The following SUGCT variants were observed in gnomAD, a reference collection of about 807,000 sequenced individuals.
The protein encoded by SUGCT is succinyl-CoA:glutarate-CoA transferase, also known as succinyl-CoA:glutarate CoA-transferase.
SUGCT carries 41 observed loss-of-function variants against 55.0 expected under a neutral mutation model. That is an observed-to-expected ratio of 0.74 (90% CI 0.58 to 0.97). SUGCT has a LOEUF of 0.97. Ranked by LOEUF, SUGCT falls within the 50% of genes least tolerant of loss-of-function variation. SUGCT has a pLI of 0.00. For synonymous variants in SUGCT, 187 were observed against 200.4 expected, an observed-to-expected ratio of 0.93 and a Z score of 0.56; for missense variants, 568 against 547.8, an observed-to-expected ratio of 1.04 and a Z score of -0.37.
At chr7:40,764,767 C>A (rs1040730280) in intron 13 of SUGCT, among the ~76,000 whole-genome samples, 1 of 152,126 alleles carries the variant, frequency 6.6e-6, no homozygotes, top group Non-Finnish European at 1.5e-5. Flanking sequence ...AGAGGTAGTT[C>A]CAATCCTATT....
chr7:40,881,727 C>G, the SUGCT span, among the ~76,000 whole-genome samples: 7 of 152,316 alleles, frequency 4.6e-5, no homozygotes, highest in Admixed American at 3.9e-4. Context: ...TTGACACTGG[C>G]TTCTACCACA....
chr7:40,321,840 C>T (rs187653132), intron 9 of SUGCT, among the ~76,000 whole-genome samples: 4 of 152,300 alleles, frequency 2.6e-5, no homozygotes, highest in Non-Finnish European at 5.9e-5. Context: ...TGTTGACAGG[C>T]ACTTAGGTTT....
chr7:40,433,464 A>G (rs1448413711), intron 9 of SUGCT, among the ~76,000 whole-genome samples: 1 of 151,704 alleles, frequency 6.6e-6, no homozygotes, highest in African/African-American at 2.4e-5. Flanking sequence ...CCATATCTCT[A>G]TTTCTATTTT....
At chr7:40,862,754 A>T (rs1794517495), downstream of SUGCT, among the ~76,000 whole-genome samples, 1 of 149,562 alleles carries the variant, frequency 6.7e-6, no homozygotes, top group Non-Finnish European at 1.5e-5. Flanking sequence ...TTTTATTCTG[A>T]AACTTTTTAC....
chr7:40,869,737 A>G, the SUGCT span, among the ~76,000 whole-genome samples: 1 of 151,918 alleles, frequency 6.6e-6, no homozygotes, highest in Non-Finnish European at 1.5e-5. Context: ...ATTTTTTCTT[A>G]GTCTCCTCCA....
chr7:40,346,535 T>A (rs1455693742), intron 9 of SUGCT, among the ~76,000 whole-genome samples: 1 of 152,178 alleles, frequency 6.6e-6, no homozygotes. Context: ...ATATAACTTT[T>A]CTGTGCCTTA....
chr7:40,963,001 T>A, the SUGCT span, among the ~76,000 whole-genome samples: 1 of 152,146 alleles, frequency 6.6e-6, no homozygotes, highest in Non-Finnish European at 1.5e-5. Context: ...CCAAGGGGAT[T>A]GTATTTTAAG....
At chr7:40,360,643 TAGA>T (rs1798107899) in intron 9 of SUGCT, among the ~76,000 whole-genome samples, 1 of 152,158 alleles carries the variant, frequency 6.6e-6, no homozygotes, top group African/African-American at 2.4e-5. Context: ...TGAGATTTCT[TAGA>T]AGAAGTAAAA....
intron 12 of SUGCT, among the ~76,000 whole-genome samples, chr7:40,508,520 A>G (rs1461131211): frequency 1.3e-5 from 2 of 152,132 alleles, no homozygotes; most frequent in African/African-American, 4.8e-5. Flanking sequence ...CCTGGAGTAG[A>G]CTGCCTCGGT....
intron 12 of SUGCT, among the ~76,000 whole-genome samples, chr7:40,690,373 T>C (rs540582321): frequency 6.6e-6 from 1 of 152,316 alleles, no homozygotes; most frequent in South Asian, 2.1e-4. Flanking sequence ...AGATGTACTC[T>C]ATAAATCAAA....
intron 13 of SUGCT, among the ~76,000 whole-genome samples, chr7:40,782,203 T>C (rs1789787331): frequency 6.6e-6 from 1 of 152,116 alleles, no homozygotes; most frequent in African/African-American, 2.4e-5. Context: ...TTGTGTCCAT[T>C]ATTTCTTTCT....
rs552998914 is a variant in SUGCT, at chr7:40,170,832, G to T, written c.101-10115G>T. 4.7e-4 allele frequency among the ~76,000 whole-genome samples: 72 copies of T among 152,206 alleles called. 1 individual carries two copies. The South Asian group carries it at 0.014, about 29-fold the overall frequency. On this transcript the variant is annotated intron_variant, in intron 1 of 13. Transcript: ENST00000335693. The stretch of plus-strand genomic sequence containing the variant: ...ACCTCTGCTTATCGGAATAGTTAAC[G>T]CTTACTGATGTAGCAGTCCTGCACC...
chr7:40,806,845 C>G (rs2128753919), intron 13 of SUGCT, among the ~76,000 whole-genome samples: 1 of 152,254 alleles, frequency 6.6e-6, no homozygotes, highest in African/African-American at 2.4e-5. Context: ...ACCCAGCTGC[C>G]CTGAGGATGA....
At chr7:40,150,396 C>G (rs367594167) in intron 1 of SUGCT, among the ~76,000 whole-genome samples, 1 of 152,050 alleles carries the variant, frequency 6.6e-6, no homozygotes, top group Non-Finnish European at 1.5e-5. Flanking sequence ...GGGCCGGGCA[C>G]GGTGGCTCAC....
At chr7:41,029,144 A>G in the SUGCT span, among the ~76,000 whole-genome samples, 1 of 152,142 alleles carries the variant, frequency 6.6e-6, no homozygotes, top group African/African-American at 2.4e-5. Flanking sequence ...ACTCCCCAGC[A>G]AGCCAGCCTA....
chr7:41,007,843 A>AAAG, the SUGCT span, among the ~76,000 whole-genome samples: 1 of 150,338 alleles, frequency 6.7e-6, no homozygotes, highest in Non-Finnish European at 1.5e-5. Context: ...AAAAAAAAAA[A>AAAG]GAATTAAATG....
intron 12 of SUGCT, among the ~76,000 whole-genome samples, chr7:40,688,189 A>G (rs1282921555): frequency 6.6e-6 from 1 of 152,206 alleles, no homozygotes; most frequent in African/African-American, 2.4e-5. Context: ...TCTTGGCCCA[A>G]CAGCTTCAAC....
At chr7:40,484,399 G>A (rs541122835) in intron 11 of SUGCT, among the ~76,000 whole-genome samples, 3 of 152,330 alleles carry the variant, frequency 2.0e-5, no homozygotes, top group African/African-American at 7.2e-5. Context: ...TTGGAAAGAA[G>A]TCAGGGATGG....
chr7:40,880,155 G>A, the SUGCT span, among the ~76,000 whole-genome samples: 1 of 152,150 alleles, frequency 6.6e-6, no homozygotes, highest in East Asian at 1.9e-4. Context: ...CCTACATTCT[G>A]AATTTGGCTG....
Sources: gnomAD v4.1 joint callset for allele counts (sites outside exome capture counted in the v4.1 genomes callset) on GRCh38, gnomAD v4.1.1 for gene constraint, MANE v1.5 for transcripts, NCBI Gene and HGNC (gene_info 2026-07-23, HGNC 2026-07-21) for gene names.